Variants in RNGTT observed in about 807,000 individuals in gnomAD.
RNGTT encodes RNA guanylyltransferase and 5'-phosphatase, also known as mRNA-capping enzyme.
In RNGTT, 33 loss-of-function variants were observed where a neutral mutation model predicts 79.3. The observed-to-expected ratio is 0.42, with a 90% confidence interval of 0.32 to 0.56. The LOEUF (loss-of-function observed/expected upper bound fraction) is 0.56. Ranked by LOEUF, RNGTT falls within the 20% of genes least tolerant of loss-of-function variation. RNGTT has a pLI of 0.17. For synonymous variants in RNGTT, 222 were observed against 235.9 expected, an observed-to-expected ratio of 0.94 and a Z score of 0.54; for missense variants, 497 against 739.1, an observed-to-expected ratio of 0.67 and a Z score of 3.80.
At chr6:88,786,454 T>C (rs907699156) in intron 12 of RNGTT, among the ~76,000 whole-genome samples, 3 of 152,200 alleles carry the variant, frequency 2.0e-5, no homozygotes, top group African/African-American at 7.2e-5. Flanking sequence ...TATTCATTTT[T>C]AAGTGACGAA....
At chr6:88,838,989 C>CA (rs988586404) in intron 11 of RNGTT, among the ~76,000 whole-genome samples, 2 of 149,470 alleles carry the variant, frequency 1.3e-5, no homozygotes, top group Non-Finnish European at 3.0e-5. Context: ...TATGAATGTG[C>CA]AAAAGTAATT....
intron 14 of RNGTT, among the ~76,000 whole-genome samples, chr6:88,663,149 T>C (rs774185628): frequency 2.0e-5 from 3 of 152,128 alleles, no homozygotes; most frequent in Non-Finnish European, 4.4e-5. Flanking sequence ...CTTCCCCCTT[T>C]GTGGTAAGAG....
chr6:88,662,851 G>A (rs1774241657), intron 14 of RNGTT, among the ~76,000 whole-genome samples: 1 of 152,214 alleles, frequency 6.6e-6, no homozygotes. Context: ...CTGGACATCT[G>A]GAACATGGTA....
Position 88,929,283 on chromosome 6 carries a change from A to C in RNGTT, c.175-16T>G, listed in dbSNP as rs1784413631. 2 of 1,483,100 alleles carry C rather than the reference A, an allele frequency of 1.3e-6. No homozygotes were observed. Among genetic ancestry groups the C allele is most frequent in the Non-Finnish European group, 1.9e-6 (2 of 1,079,344 alleles). 91.9% of individuals were successfully genotyped at this position (1,483,100 alleles called of 1,614,324 possible). A position where few individuals can be genotyped will look rare whatever the true frequency, so the allele number is the denominator to read the frequency against. On this transcript the variant is annotated splice_polypyrimidine_tract_variant and intron_variant, in intron 2 of 15. Coordinates refer to ENST00000369485, the MANE Select transcript of RNGTT (RefSeq NM_003800.5). Reference sequence around the variant, plus strand: ...CCATTTTAACCTAAAAAAAAAAAAAAATGAAAGGGCAAATTTACTAGTAAC... The same window carrying C: ...CCATTTTAACCTAAAAAAAAAAAAACATGAAAGGGCAAATTTACTAGTAAC...
intron 12 of RNGTT, among the ~76,000 whole-genome samples, chr6:88,779,016 A>G (rs1778978709): frequency 6.6e-6 from 1 of 152,228 alleles, no homozygotes; most frequent in Non-Finnish European, 1.5e-5. Context: ...TGAAACTGCA[A>G]CATTTTCCCA....
chr6:88,687,947 A>C (rs1467849567), intron 13 of RNGTT, among the ~76,000 whole-genome samples: 1 of 152,206 alleles, frequency 6.6e-6, no homozygotes, highest in African/African-American at 2.4e-5. Flanking sequence ...CAAACGATCA[A>C]TTAAAATCAA....
At chr6:88,704,275 A>AC (rs1776053609) in intron 13 of RNGTT, among the ~76,000 whole-genome samples, 1 of 150,286 alleles carries the variant, frequency 6.7e-6, no homozygotes, top group Non-Finnish European at 1.5e-5. Context: ...AAAAAAAAAA[A>AC]AAAAAAAAAA....
At chr6:88,682,854 T>C (rs890672337) in intron 13 of RNGTT, among the ~76,000 whole-genome samples, 39 of 152,312 alleles carry the variant, frequency 2.6e-4, no homozygotes, top group Non-Finnish European at 3.4e-4. Context: ...AAAATCTCCA[T>C]GTCTGTAAAG....
intron 13 of RNGTT, among the ~76,000 whole-genome samples, chr6:88,765,972 G>A (rs1324564900): frequency 6.6e-6 from 1 of 152,120 alleles, no homozygotes; most frequent in East Asian, 1.9e-4. Context: ...TGGACTTAGT[G>A]CAGCAAGTAA....
At chr6:88,653,069 T>C (rs1446428385) in intron 14 of RNGTT, among the ~76,000 whole-genome samples, 1 of 152,188 alleles carries the variant, frequency 6.6e-6, no homozygotes, top group Non-Finnish European at 1.5e-5. Flanking sequence ...ATCTTTTATA[T>C]TTACATGGTT....
chr6:88,695,270 G>C (rs374603988), intron 13 of RNGTT, among the ~76,000 whole-genome samples: 1 of 152,018 alleles, frequency 6.6e-6, no homozygotes, highest in East Asian at 1.9e-4. Context: ...CATTTGATAA[G>C]GGATTAATAC....
intron 13 of RNGTT, among the ~76,000 whole-genome samples, chr6:88,760,903 C>A (rs1035344490): frequency 6.8e-6 from 1 of 146,882 alleles, no homozygotes; most frequent in African/African-American, 2.5e-5. Context: ...GAGATGAGAT[C>A]TTGCTGTATT....
intron 12 of RNGTT, among the ~76,000 whole-genome samples, chr6:88,789,923 A>T (rs1335744302): frequency 6.6e-6 from 1 of 152,242 alleles, no homozygotes; most frequent in Admixed American, 6.5e-5. Flanking sequence ...AATAGGAACC[A>T]ATAGATGCAA....
chr6:88,685,022 T>G (rs911609765), intron 13 of RNGTT, among the ~76,000 whole-genome samples: 2 of 152,172 alleles, frequency 1.3e-5, no homozygotes, highest in African/African-American at 2.4e-5. Context: ...TGAATATCAC[T>G]AAGTGAATGA....
At chr6:88,707,076 ATAG>A (rs1338138782) in intron 13 of RNGTT, among the ~76,000 whole-genome samples, 1 of 152,202 alleles carries the variant, frequency 6.6e-6, no homozygotes, top group African/African-American at 2.4e-5. Context: ...AATGTTTTAG[ATAG>A]TAGGCAAAAA....
rs192259243 is a variant in RNGTT at position 88,658,748 on chromosome 6, T to C, written c.1506+19605A>G. 2.0e-3 allele frequency among the ~76,000 whole-genome samples: 312 copies of C among 152,324 alleles called. 4 individuals are homozygous for C. The highest frequency in any genetic ancestry group is 6.8e-3 in the African/African-American group (283 of 41,568). On this transcript the variant is annotated intron_variant, in intron 14 of 15. Coordinates refer to ENST00000369485, the MANE Select transcript of RNGTT (RefSeq NM_003800.5). ...CAGAATAAAAGCAGGCAGAGGAACA[T>C]GGAAAGACTAGACAGGCTAAGTCTT...
At chr6:88,810,496 G>A (rs150517021) in intron 11 of RNGTT, among the ~76,000 whole-genome samples, 1 of 152,236 alleles carries the variant, frequency 6.6e-6, no homozygotes, top group Non-Finnish European at 1.5e-5. Flanking sequence ...ACGATGATGG[G>A]CAGCCTTTGA....
intron 11 of RNGTT, among the ~76,000 whole-genome samples, chr6:88,808,223 A>G (rs992528280): frequency 6.6e-6 from 1 of 152,148 alleles, no homozygotes; most frequent in Non-Finnish European, 1.5e-5. Flanking sequence ...AATATTAACA[A>G]TGTATTGTAG....
chr6:88,753,979 C>A (rs931270401), intron 13 of RNGTT, among the ~76,000 whole-genome samples: 1 of 152,084 alleles, frequency 6.6e-6, no homozygotes, highest in Non-Finnish European at 1.5e-5. Flanking sequence ...CTTTATTCTG[C>A]CCATCTCCTC....
Sources: allele counts gnomAD v4.1 joint callset (sites outside exome capture counted in the v4.1 genomes callset), GRCh38; gene constraint gnomAD v4.1.1; transcripts MANE v1.5; gene names NCBI Gene and HGNC (gene_info 2026-07-23, HGNC 2026-07-21).